Variants in FBXL17 observed in about 807,000 individuals in gnomAD.
The protein encoded by FBXL17 is F-box/LRR-repeat protein 17.
Under a neutral mutation model 66.2 loss-of-function variants are expected in FBXL17, and 22 were observed. The ratio of observed to expected loss-of-function variants is 0.33; its 90% CI spans 0.24 to 0.47. FBXL17 has a LOEUF of 0.47. Ranked by LOEUF, FBXL17 falls within the 20% of genes least tolerant of loss-of-function variation. The probability of loss-of-function intolerance (pLI) is 1.00; values close to 1 mark genes in which losing one functional copy is unlikely to be tolerated. For missense variants in FBXL17, 878 were observed against 948.2 expected (o/e 0.93, Z 0.97); for synonymous variants, 474 against 400.5 (o/e 1.18, Z -2.19).
intron 6 of FBXL17, among the ~76,000 whole-genome samples, chr5:108,150,861 T>C (rs114732322): frequency 0.013 from 2,051 of 152,334 alleles, 45 homozygotes; most frequent in African/African-American, 0.046. Context: ...ATTGTAAAGG[T>C]ACCTTTGCCC....
At chr5:107,906,721 A>C (rs941484660) in intron 7 of FBXL17, among the ~76,000 whole-genome samples, 7 of 152,202 alleles carry the variant, frequency 4.6e-5, no homozygotes, top group Non-Finnish European at 8.8e-5. Flanking sequence ...GTCTAGGAAG[A>C]GGGCTAATAA....
At chr5:107,912,230 T>A (rs1749972188) in intron 7 of FBXL17, among the ~76,000 whole-genome samples, 1 of 152,116 alleles carries the variant, frequency 6.6e-6, no homozygotes. Flanking sequence ...AAATACATTA[T>A]TCATCTAATC....
chr5:107,925,164 G>A lies in FBXL17; in HGVS notation c.1823-43985C>T, dbSNP rs141487428. ...GGTGGCCATTCTGAAATGTTCCTCA[G>A]TGCCAAACAATTACCTGTAATGGTT... On this transcript the variant is annotated intron_variant, in intron 7 of 8. Transcript: ENST00000542267. Among the ~76,000 whole-genome samples the A allele has an allele frequency of 3.3e-4, 50 of 152,266 alleles. No individual in the cohort carries two copies. In the East Asian group the frequency reaches 8.3e-3, roughly 25 times the overall value.
chr5:108,085,927 A>C (rs1276888338), intron 6 of FBXL17, among the ~76,000 whole-genome samples: 1 of 152,176 alleles, frequency 6.6e-6, no homozygotes, highest in Non-Finnish European at 1.5e-5. Context: ...CTGTCTCAGT[A>C]ATAATAATAA....
chr5:108,248,824 C>CAGCCAGAGTTCTAT (rs1264074920), intron 4 of FBXL17, among the ~76,000 whole-genome samples: 1 of 152,014 alleles, frequency 6.6e-6, no homozygotes, highest in East Asian at 1.9e-4. Context: ...AAAGAACTGT[C>CAGCCAGAGTTCTAT]AGCCAGAGTT....
intron 7 of FBXL17, among the ~76,000 whole-genome samples, chr5:107,957,268 C>G (rs116295386): frequency 6.6e-6 from 1 of 152,046 alleles, no homozygotes; most frequent in Non-Finnish European, 1.5e-5. Flanking sequence ...TGGGTGTAAA[C>G]GACATCTGGT....
At chr5:107,939,747 A>C (rs952544007) in intron 7 of FBXL17, among the ~76,000 whole-genome samples, 2 of 152,066 alleles carry the variant, frequency 1.3e-5, no homozygotes, top group African/African-American at 2.4e-5. Context: ...ATCCTTTCAA[A>C]AGACAGAATC....
intron 7 of FBXL17, among the ~76,000 whole-genome samples, chr5:107,915,866 G>T (rs1191871641): frequency 6.6e-6 from 1 of 152,244 alleles, no homozygotes; most frequent in East Asian, 1.9e-4. Context: ...ACATCTATTG[G>T]TTCAAAGAAC....
chr5:108,046,011 C>A lies in FBXL17; in HGVS notation c.1746-25010G>T, dbSNP rs533980177. ...GTTATTGAGATCATTTGTTTCCTTGCTGATATTTTCTAATTGTTCTACCAA... is the reference window on the plus strand; with the variant it reads ...GTTATTGAGATCATTTGTTTCCTTGATGATATTTTCTAATTGTTCTACCAA... On this transcript the variant is annotated intron_variant, in intron 6 of 8. Transcript: ENST00000542267. 2.6e-5 allele frequency among the ~76,000 whole-genome samples: 4 copies of A among 152,274 alleles called. No homozygotes were observed. In the East Asian group the frequency reaches 7.7e-4, roughly 29 times the overall value.
chr5:108,308,240 A>T (rs1374489848), intron 4 of FBXL17, among the ~76,000 whole-genome samples: 2 of 152,164 alleles, frequency 1.3e-5, no homozygotes, highest in Non-Finnish European at 2.9e-5. Context: ...AGTAAAAATA[A>T]TAGTAGTAGA....
intron 6 of FBXL17, among the ~76,000 whole-genome samples, chr5:108,141,392 T>G (rs1189701937): frequency 7.0e-6 from 1 of 143,444 alleles, no homozygotes; most frequent in South Asian, 2.5e-4. Context: ...CTACAGACCT[T>G]TCCACACTAT....
intron 7 of FBXL17, among the ~76,000 whole-genome samples, chr5:108,016,114 C>A (rs1426049326): frequency 2.0e-5 from 3 of 152,192 alleles, no homozygotes; most frequent in African/African-American, 4.8e-5. Context: ...GGCAGCCCAA[C>A]TAAAATGACA....
In FBXL17 at chr5:107,913,008, T is replaced by TG. The variant is rs549816261; in HGVS notation, c.1823-31830dup. Among the ~76,000 whole-genome samples the TG allele has an allele frequency of 1.2e-4, 18 of 152,130 alleles. 1 individual carries two copies. The South Asian group carries it at 3.8e-3, about 32-fold the overall frequency. On this transcript the variant is annotated intron_variant, in intron 7 of 8. Transcript: ENST00000542267. ...AAGGATATCAGTGGCTTAACTAGGG[T>TG]GGGAAATAGCTAACATAAGATTATA...
At chr5:108,184,086 C>T (rs1753122672) in intron 6 of FBXL17, among the ~76,000 whole-genome samples, 1 of 151,932 alleles carries the variant, frequency 6.6e-6, no homozygotes, top group Non-Finnish European at 1.5e-5. Flanking sequence ...AAAATGGAGT[C>T]TACATGGTTT....
chr5:107,900,168 C>T (rs928336258), intron 7 of FBXL17, among the ~76,000 whole-genome samples: 5 of 151,996 alleles, frequency 3.3e-5, no homozygotes, highest in African/African-American at 1.2e-4. Context: ...ATTGGTTTTG[C>T]TAAAATAAGT....
rs560870893 is a variant in FBXL17 at position 108,106,125 on chromosome 5, C to A, written c.1745+79992G>T. Among the ~76,000 whole-genome samples the A allele has an allele frequency of 2.6e-5, 4 of 152,264 alleles. No homozygotes were observed. In the East Asian group the frequency reaches 5.8e-4, roughly 22 times the overall value. ...AATTCTTCTAAGTTTAGGGCTCTTT[C>A]TACCATACCAGAGGTACCATCTCCA... On this transcript the variant is annotated intron_variant, in intron 6 of 8. Transcript: ENST00000542267.
At chr5:108,215,842 T>C (rs1478849553) in intron 5 of FBXL17, among the ~76,000 whole-genome samples, 1 of 152,204 alleles carries the variant, frequency 6.6e-6, no homozygotes, top group Non-Finnish European at 1.5e-5. Flanking sequence ...CTCCTACATT[T>C]AGGTCTTTGA....
At chr5:108,242,298 C>G (rs1353138740) in intron 4 of FBXL17, among the ~76,000 whole-genome samples, 2 of 152,150 alleles carry the variant, frequency 1.3e-5, no homozygotes, top group African/African-American at 2.4e-5. Context: ...CCTCCTGCCT[C>G]AGCCTCCCAA....
intron 6 of FBXL17, among the ~76,000 whole-genome samples, chr5:108,036,163 T>A (rs981905928): frequency 6.6e-6 from 1 of 152,200 alleles, no homozygotes; most frequent in Non-Finnish European, 1.5e-5. Flanking sequence ...GCTGTTCAAA[T>A]GTTGGCCCCA....
Sources: allele counts gnomAD v4.1 joint callset (sites outside exome capture counted in the v4.1 genomes callset), GRCh38; gene constraint gnomAD v4.1.1; transcripts MANE v1.5; gene names NCBI Gene and HGNC (gene_info 2026-07-23, HGNC 2026-07-21).